Variants in NAA35 observed in about 807,000 individuals in gnomAD.
The protein encoded by NAA35 is N-alpha-acetyltransferase 35, NatC auxiliary subunit, also known as MAK10 homolog, amino-acid N-acetyltransferase subunit.
NAA35 carries 18 observed loss-of-function variants against 101.7 expected under a neutral mutation model. The ratio of observed to expected loss-of-function variants is 0.18; its 90% CI spans 0.12 to 0.26. The LOEUF (loss-of-function observed/expected upper bound fraction) is 0.26. Ranked by LOEUF, NAA35 falls within the 10% of genes least tolerant of loss-of-function variation. The probability of loss-of-function intolerance (pLI) is 1.00; values close to 1 mark genes in which losing one functional copy is unlikely to be tolerated. For missense variants in NAA35, 601 were observed against 886.8 expected, an observed-to-expected ratio of 0.68 and a Z score of 4.09; for synonymous variants, 267 against 273.1, an observed-to-expected ratio of 0.98 and a Z score of 0.22.
chr9:85,947,236 A>AT (rs112785948), intron 2 of NAA35, among the ~76,000 whole-genome samples: 2,676 of 151,848 alleles, frequency 0.018, 30 homozygotes, highest in South Asian at 0.036. Context: ...ATATTCTGTG[A>AT]TTTTTTTTTA....
At chr9:85,971,630 G>T (rs1312877157) in intron 6 of NAA35, among the ~76,000 whole-genome samples, 1 of 152,112 alleles carries the variant, frequency 6.6e-6, no homozygotes, top group Admixed American at 6.6e-5. Context: ...GATGATCAAA[G>T]AAATTACAAA....
At chr9:85,971,253 A>G (rs1450380487) in intron 6 of NAA35, among the ~76,000 whole-genome samples, 2 of 152,200 alleles carry the variant, frequency 1.3e-5, no homozygotes, top group African/African-American at 4.8e-5. Context: ...CCACCACTAC[A>G]GAGAACTGGT....
chr9:85,992,172 T>TAAA (rs1587629086), intron 11 of NAA35, among the ~76,000 whole-genome samples: 1 of 11,910 alleles, frequency 8.4e-5, no homozygotes, highest in African/African-American at 3.2e-4. Context: ...AGACTCCGTC[T>TAAA]CAAAAAAAAA....
intron 22 of NAA35, 66 bp from the exon 23 acceptor site, chr9:86,021,835 T>C: frequency 8.0e-7 from 1 of 1,255,328 alleles, no homozygotes; most frequent in Non-Finnish European, 1.1e-6. Context: ...ATAAAAATAG[T>C]CTTTGTTTTG....
Position 86,007,360 on chromosome 9 carries a change from C to T in NAA35, c.1119C>T (p.Thr373=). ...TAATATATAACATTTGTTTTAAGACCACTTTCCTGGTGGATAACAAAAAGG... is the reference window on the plus strand; with the variant it reads ...TAATATATAACATTTGTTTTAAGACTACTTTCCTGGTGGATAACAAAAAGG... ...PCVLSRSLLQ[T]TFLVDNKKVF... is the part of the protein sequence containing the mutation. Residue 373 remains threonine, a splice_region_variant and synonymous_variant, in exon 14 of 23, where the codon ACC becomes ACT. Transcript: ENST00000361671. 4 of 1,610,210 alleles carry T rather than the reference C, an allele frequency of 2.5e-6. No homozygotes were observed. Among genetic ancestry groups the T allele is most frequent in the African/African-American group, 1.3e-5 (1 of 74,958 alleles).
chr9:85,975,261 C>T, intron 8 of NAA35, 104 bp downstream of exon 8: 1 of 1,153,270 alleles, frequency 8.7e-7, no homozygotes. Context: ...CCTGTATGTG[C>T]TTTGTATTTT....
chr9:86,017,708 A>G, intron 19 of NAA35, 143 bp downstream of exon 19: 2 of 699,930 alleles, frequency 2.9e-6, no homozygotes, highest in Non-Finnish European at 4.6e-6. Context: ...TACCTTTATT[A>G]TCATTAATTT....
At chr9:86,016,504 C>T (rs1454677791) in intron 17 of NAA35, 35 bp from the exon 18 acceptor site, 2 of 1,594,710 alleles carry the variant, frequency 1.3e-6, no homozygotes, top group Non-Finnish European at 8.6e-7. Flanking sequence ...CTCATTTAGA[C>T]ATCTACCATT....
chr9:86,006,092 G>C lies in NAA35; in HGVS notation c.1117-1266G>C, dbSNP rs374365155. Among the ~76,000 whole-genome samples, 189 of 151,910 alleles carry C rather than the reference G, an allele frequency of 1.2e-3. 4 individuals are homozygous for C. The South Asian group carries it at 0.033, about 27-fold the overall frequency. On this transcript the variant is annotated intron_variant, in intron 13 of 22. Transcript: ENST00000361671. ...AGGCTGAGGCAGAGAATTGCTTGAA[G>C]CTAGGAGGCAGAGGTTGCAGTAAGC...
At chr9:85,986,487 C>G (rs1349478630) in intron 11 of NAA35, 2 of 469,184 alleles carry the variant, frequency 4.3e-6, no homozygotes, top group East Asian at 1.4e-4. Flanking sequence ...CTGACATCTT[C>G]TAGAGATGGA....
chr9:85,985,736 G>A (rs190419559), intron 11 of NAA35, among the ~76,000 whole-genome samples: 88 of 152,248 alleles, frequency 5.8e-4, no homozygotes, highest in Admixed American at 5.4e-3. Flanking sequence ...GGTGAGTTAT[G>A]TGGTATGTTA....
intron 15 of NAA35, 78 bp from the exon 16 acceptor site, chr9:86,012,968 T>G (rs1413574208): frequency 3.1e-6 from 3 of 976,924 alleles, no homozygotes; most frequent in Non-Finnish European, 2.9e-6. Flanking sequence ...TAAACCAGAT[T>G]GTGAACTTGG....
At chr9:85,967,694 C>T (rs1829820561) in intron 6 of NAA35, among the ~76,000 whole-genome samples, 1 of 151,636 alleles carries the variant, frequency 6.6e-6, no homozygotes, top group Admixed American at 6.6e-5. Context: ...CCCAGCTACT[C>T]AGGAGGCTGA....
intron 13 of NAA35, among the ~76,000 whole-genome samples, chr9:86,005,707 T>A (rs1411156947): frequency 6.6e-6 from 1 of 150,576 alleles, no homozygotes; most frequent in East Asian, 2.2e-4. Flanking sequence ...GATCAAAATT[T>A]TAAAAACCAA....
In NAA35 at chr9:85,959,852, A is replaced by T. The variant is rs1368070858; in HGVS notation, c.333A>T (p.Thr111=). The change falls in exon 5 of 23, where the codon ACA becomes ACT. Residue 111 remains threonine (T), a synonymous_variant. Coordinates refer to ENST00000361671, the MANE Select transcript of NAA35 (RefSeq NM_024635.4). ...TLPELIGIMD[T]CFCCLITWLE... ...CTGAACTGATAGGGATTATGGATAC[A>T]TGTTTTTGCTGTTTGGTAAGAATGG... 1 of 1,609,806 alleles carries T rather than the reference A, an allele frequency of 6.2e-7. No homozygotes were observed. Among genetic ancestry groups the T allele is most frequent in the Admixed American group, 1.7e-5 (1 of 59,176 alleles).
chr9:86,020,794 T>C, intron 21 of NAA35, 95 bp from the exon 22 acceptor site: 1 of 857,290 alleles, frequency 1.2e-6, no homozygotes, highest in Non-Finnish European at 1.9e-6. Context: ...CTTACCACTG[T>C]ACTCCAGCCT....
intron 11 of NAA35, among the ~76,000 whole-genome samples, chr9:85,989,776 G>A (rs1429275801): frequency 6.6e-6 from 1 of 152,154 alleles, no homozygotes; most frequent in East Asian, 1.9e-4. Context: ...TAAATATAAT[G>A]TAACATAACT....
chr9:85,941,902 A>G (rs748703118), intron 1 of NAA35: 25 of 1,190,484 alleles, frequency 2.1e-5, no homozygotes, highest in Non-Finnish European at 2.2e-5. Flanking sequence ...TTTTCTTCTT[A>G]AACAGTAGGA....
Position 85,990,321 on chromosome 9 carries a change from C to G in NAA35, c.878-6078C>G, listed in dbSNP as rs147508046. 2.0e-5 allele frequency among the ~76,000 whole-genome samples: 3 copies of G among 152,262 alleles called. No homozygotes were observed. The East Asian group carries it at 5.8e-4, about 29-fold the overall frequency. On this transcript the variant is annotated intron_variant, in intron 11 of 22. Transcript: ENST00000361671. ...TTTACTCAGACACCTCCTGTTAGGC[C>G]CCATCTCTCAACACTGTTGTACTGG... is the stretch of plus-strand genomic sequence containing the variant.
Sources: gnomAD v4.1 joint callset for allele counts (sites outside exome capture counted in the v4.1 genomes callset) on GRCh38, gnomAD v4.1.1 for gene constraint, MANE v1.5 for transcripts, NCBI Gene and HGNC (gene_info 2026-07-23, HGNC 2026-07-21) for gene names.